The following NPAS3 variants were observed in gnomAD, a reference collection of about 807,000 sequenced individuals.
NPAS3 encodes the protein neuronal PAS domain-containing protein 3.
In NPAS3, 14 loss-of-function variants were observed where a neutral mutation model predicts 73.1. That is an observed-to-expected ratio of 0.19 (90% CI 0.13 to 0.30). The LOEUF (loss-of-function observed/expected upper bound fraction) is 0.30. Ranked by LOEUF, NPAS3 falls within the 10% of genes least tolerant of loss-of-function variation. The pLI is 1.00. For synonymous variants in NPAS3, 620 were observed against 541.5 expected (o/e 1.14, Z -2.01); for missense variants, 1,096 against 1,250.0 (o/e 0.88, Z 1.86).
intron 2 of NPAS3, among the ~76,000 whole-genome samples, chr14:33,208,028 A>G (rs1243091751): frequency 6.6e-6 from 1 of 152,174 alleles, no homozygotes; most frequent in East Asian, 1.9e-4. Flanking sequence ...ATAGAAATTT[A>G]AGGTGTGAAA....
chr14:33,111,242 C>A (rs1214278761), intron 2 of NPAS3, among the ~76,000 whole-genome samples: 2 of 152,184 alleles, frequency 1.3e-5, no homozygotes, highest in Admixed American at 6.5e-5. Context: ...TTTGAATGTC[C>A]CCCTACAGCA....
chr14:33,034,820 G>A (rs536324111), intron 1 of NPAS3, among the ~76,000 whole-genome samples: 21 of 152,230 alleles, frequency 1.4e-4, no homozygotes, highest in Admixed American at 3.3e-4. Context: ...AGAGGATAAT[G>A]ACTCAACCAA....
intron 2 of NPAS3, among the ~76,000 whole-genome samples, chr14:33,078,321 G>A (rs1420498975): frequency 3.9e-5 from 6 of 152,056 alleles, no homozygotes; most frequent in African/African-American, 1.4e-4. Context: ...AGTATTTCTG[G>A]TTTGATTCTG....
At chr14:33,698,876 A>C (rs914043997) in intron 6 of NPAS3, among the ~76,000 whole-genome samples, 4 of 152,246 alleles carry the variant, frequency 2.6e-5, no homozygotes, top group African/African-American at 9.6e-5. Context: ...TGCCATTTAA[A>C]AGAATGCTGA....
At chr14:33,803,823 A>G (rs1230255879), downstream of NPAS3, 1 of 152,174 alleles carries the variant, frequency 6.6e-6, no homozygotes, top group Non-Finnish European at 1.5e-5. Flanking sequence ...AAGTAGCTGA[A>G]TAATGGGGAA....
intron 2 of NPAS3, among the ~76,000 whole-genome samples, chr14:33,208,029 AG>A (rs1363487911): frequency 4.6e-5 from 7 of 152,142 alleles, no homozygotes; most frequent in African/African-American, 1.7e-4. Context: ...TAGAAATTTA[AG>A]GTGTGAAATA....
chr14:33,563,557 G>GAGAGAGAC (rs2055770402), intron 5 of NPAS3, among the ~76,000 whole-genome samples: 2 of 95,006 alleles, frequency 2.1e-5, no homozygotes, highest in African/African-American at 9.5e-5. Flanking sequence ...GAGAGAGAGA[G>GAGAGAGAC]AGAGAGAGGA....
chr14:33,749,239 T>C (rs1193231349), intron 7 of NPAS3, among the ~76,000 whole-genome samples: 1 of 152,224 alleles, frequency 6.6e-6, no homozygotes, highest in African/African-American at 2.4e-5. Context: ...AAACACAATA[T>C]AGATTCACCC....
At chr14:33,607,948 C>T (rs947148749) in intron 5 of NPAS3, among the ~76,000 whole-genome samples, 4 of 152,086 alleles carry the variant, frequency 2.6e-5, no homozygotes, top group South Asian at 2.1e-4. Flanking sequence ...ATGGGAATAG[C>T]GTGGGGGAAG....
intron 2 of NPAS3, among the ~76,000 whole-genome samples, chr14:33,069,228 T>C (rs1165909736): frequency 6.6e-6 from 1 of 152,184 alleles, no homozygotes; most frequent in Non-Finnish European, 1.5e-5. Context: ...TTGTATTCCA[T>C]GTGGTGGCAC....
At chr14:33,481,783 C>A (rs961272105) in intron 4 of NPAS3, among the ~76,000 whole-genome samples, 6 of 150,818 alleles carry the variant, frequency 4.0e-5, no homozygotes, top group South Asian at 4.2e-4. Context: ...ATAAAAAAAT[C>A]AAAAAAATAA....
intron 4 of NPAS3, among the ~76,000 whole-genome samples, chr14:33,383,938 A>G (rs1401382406): frequency 1.3e-5 from 2 of 152,242 alleles, no homozygotes; most frequent in African/African-American, 4.8e-5. Context: ...ATTAGAAATA[A>G]TAATATACAT....
intron 2 of NPAS3, among the ~76,000 whole-genome samples, chr14:33,147,730 A>ATAT (rs1555344654): frequency 1.3e-3 from 163 of 130,354 alleles, no homozygotes; most frequent in South Asian, 2.9e-3. Flanking sequence ...TAGAATAAAA[A>ATAT]ATATATATAT....
intron 1 of NPAS3, among the ~76,000 whole-genome samples, chr14:32,950,240 C>G (rs2036428410): frequency 6.6e-6 from 1 of 151,826 alleles, no homozygotes; most frequent in African/African-American, 2.4e-5. Flanking sequence ...CAGAGTTTGC[C>G]CAAATTCATT....
chr14:33,197,827 T>C (rs1307179881), intron 2 of NPAS3, among the ~76,000 whole-genome samples: 2 of 152,240 alleles, frequency 1.3e-5, no homozygotes, highest in African/African-American at 4.8e-5. Context: ...GCAACTGCTG[T>C]GTCCCACATT....
intron 2 of NPAS3, among the ~76,000 whole-genome samples, chr14:33,147,730 A>AAAAAATATATATATATATATATAT (rs372663411): frequency 1.8e-4 from 24 of 130,346 alleles, no homozygotes; most frequent in African/African-American, 7.4e-4. Flanking sequence ...TAGAATAAAA[A>AAAAAATATATATATATATATATAT]ATATATATAT....
intron 5 of NPAS3, among the ~76,000 whole-genome samples, chr14:33,564,816 C>G (rs1256598773): frequency 6.6e-6 from 1 of 152,166 alleles, no homozygotes; most frequent in East Asian, 1.9e-4. Context: ...AATATAGGGT[C>G]CTGTTTACAA....
rs79293013 is a variant in NPAS3, at chr14:33,040,173, C to T, written c.51-15732C>T. 6.1e-3 allele frequency among the ~76,000 whole-genome samples: 926 copies of T among 152,150 alleles called. 11 individuals are homozygous for T. The highest frequency in any genetic ancestry group is 0.02 in the African/African-American group (817 of 41,504). On this transcript the variant is annotated intron_variant, in intron 1 of 11. Transcript: ENST00000356141. ...CAGGGGTATTCCCCTTTTGATCACT[C>T]TGTAACTGAATCGGGGGAAACAGAA...
chr14:33,768,202 G>T (rs1195525463), intron 7 of NPAS3, among the ~76,000 whole-genome samples: 1 of 152,192 alleles, frequency 6.6e-6, no homozygotes, highest in Non-Finnish European at 1.5e-5. Context: ...GCAGTGCTGT[G>T]TAAGGAGTTT....
Sources: allele counts gnomAD v4.1 joint callset (sites outside exome capture counted in the v4.1 genomes callset), GRCh38; gene constraint gnomAD v4.1.1; transcripts MANE v1.5; gene names NCBI Gene and HGNC (gene_info 2026-07-23, HGNC 2026-07-21).